Variants in GRID1 observed in about 807,000 individuals in gnomAD.
The protein encoded by GRID1 is glutamate ionotropic receptor delta type subunit 1.
A neutral mutation model predicts 98.0 loss-of-function variants in GRID1; 28 were observed. That is an observed-to-expected ratio of 0.29 (90% CI 0.21 to 0.39). GRID1 has a LOEUF of 0.39. GRID1 is among the 10% of genes least tolerant of loss of function. The pLI, the probability that GRID1 is intolerant of heterozygous loss-of-function variation, is 1.00. For missense variants in GRID1, 1,111 were observed against 1,340.5 expected (o/e 0.83, Z 2.67); for synonymous variants, 553 against 538.5 (o/e 1.03, Z -0.37).
intron 6 of GRID1, among the ~76,000 whole-genome samples, chr10:85,863,721 C>G (rs1204038316): frequency 6.6e-6 from 1 of 152,202 alleles, no homozygotes; most frequent in Non-Finnish European, 1.5e-5. Context: ...GGAGAGGCCC[C>G]TGGAGGACAG....
At chr10:86,228,893 C>T (rs1448943715) in intron 2 of GRID1, among the ~76,000 whole-genome samples, 1 of 152,170 alleles carries the variant, frequency 6.6e-6, no homozygotes, top group African/African-American at 2.4e-5. Context: ...GCATTGGTCT[C>T]TTCAACACCA....
At chr10:85,654,373 G>C (rs1840869764) in intron 12 of GRID1, among the ~76,000 whole-genome samples, 1 of 152,066 alleles carries the variant, frequency 6.6e-6, no homozygotes, top group African/African-American at 2.4e-5. Context: ...AAAGTAAAAG[G>C]GATAAGCAGT....
At chr10:85,628,718 C>A (rs1339161214) in intron 13 of GRID1, among the ~76,000 whole-genome samples, 3 of 152,164 alleles carry the variant, frequency 2.0e-5, no homozygotes, top group Non-Finnish European at 4.4e-5. Flanking sequence ...GGAGGCAAAC[C>A]AGGACAGGCT....
At chr10:85,634,961 C>A (rs1590168584) in intron 13 of GRID1, among the ~76,000 whole-genome samples, 2 of 117,826 alleles carry the variant, frequency 1.7e-5, no homozygotes, top group Non-Finnish European at 3.2e-5. Context: ...GCGTATCAGA[C>A]CTGGGTACAA....
At chr10:85,807,496 A>C (rs1842633637) in intron 8 of GRID1, among the ~76,000 whole-genome samples, 1 of 152,194 alleles carries the variant, frequency 6.6e-6, no homozygotes, top group African/African-American at 2.4e-5. Context: ...AAAAGTTAGA[A>C]GTTTCAGAAA....
At chr10:85,934,955 A>G (rs1007549053) in intron 4 of GRID1, among the ~76,000 whole-genome samples, 1 of 152,254 alleles carries the variant, frequency 6.6e-6, no homozygotes, top group African/African-American at 2.4e-5. Flanking sequence ...TTATTTTCAT[A>G]AAGATAAATT....
At chr10:85,892,373 G>C (rs1040952426) in intron 5 of GRID1, among the ~76,000 whole-genome samples, 3 of 151,772 alleles carry the variant, frequency 2.0e-5, no homozygotes, top group African/African-American at 7.2e-5. Context: ...AAGTTTCCAA[G>C]TTTGATGAAG....
intron 4 of GRID1, among the ~76,000 whole-genome samples, chr10:86,023,853 G>A (rs79499961): frequency 0.021 from 3,218 of 152,024 alleles, 58 homozygotes; most frequent in African/African-American, 0.046. Context: ...TTCCTGTCCC[G>A]GCACTACACA....
intron 12 of GRID1, among the ~76,000 whole-genome samples, chr10:85,688,426 G>A (rs551055454): frequency 6.6e-6 from 1 of 152,280 alleles, no homozygotes; most frequent in East Asian, 1.9e-4. Flanking sequence ...ACAGCTCACT[G>A]CAGCCTTGGA....
intron 5 of GRID1, among the ~76,000 whole-genome samples, chr10:85,889,588 T>C (rs1448891401): frequency 6.6e-6 from 1 of 152,230 alleles, no homozygotes; most frequent in Non-Finnish European, 1.5e-5. Context: ...CATCTGTTGA[T>C]GGACACTTAG....
chr10:86,327,797 G>T (rs1031079880), intron 2 of GRID1, among the ~76,000 whole-genome samples: 1 of 152,162 alleles, frequency 6.6e-6, no homozygotes. Flanking sequence ...GAAAAAGTGG[G>T]TGCTCTTCTT....
At chr10:86,280,331 C>T (rs1233848444) in intron 2 of GRID1, among the ~76,000 whole-genome samples, 1 of 152,074 alleles carries the variant, frequency 6.6e-6, no homozygotes, top group Non-Finnish European at 1.5e-5. Flanking sequence ...AAATTTCCAC[C>T]ATGACAACTT....
chr10:85,647,443 G>A (rs1187210083), intron 12 of GRID1, 46 bp from the exon 13 acceptor site: 2 of 1,443,818 alleles, frequency 1.4e-6, no homozygotes, highest in East Asian at 2.3e-5. Flanking sequence ...GCTGTGCATT[G>A]CACACTGCAA....
chr10:85,860,920 C>T (rs1843158282), intron 6 of GRID1, among the ~76,000 whole-genome samples: 1 of 152,182 alleles, frequency 6.6e-6, no homozygotes, highest in Admixed American at 6.5e-5. Context: ...CCCTGATTTA[C>T]CCACCTGTGG....
intron 3 of GRID1, among the ~76,000 whole-genome samples, chr10:86,153,623 G>A (rs940070781): frequency 6.6e-6 from 1 of 152,182 alleles, no homozygotes; most frequent in Non-Finnish European, 1.5e-5. Context: ...CAGGAGCTCT[G>A]CAAGAACAGC....
intron 12 of GRID1, among the ~76,000 whole-genome samples, chr10:85,667,316 C>CAGAGAG (rs5786718): frequency 5.4e-4 from 81 of 148,904 alleles, no homozygotes; most frequent in East Asian, 2.2e-3. Context: ...CACACACACA[C>CAGAGAG]AGAGAGAGAG....
intron 8 of GRID1, among the ~76,000 whole-genome samples, chr10:85,789,670 A>G (rs1205669732): frequency 6.6e-6 from 1 of 152,164 alleles, no homozygotes; most frequent in Non-Finnish European, 1.5e-5. Flanking sequence ...CAGGTTTCAC[A>G]GCTGAGAGGA....
chr10:85,978,119 A>G (rs1462342162), intron 4 of GRID1, among the ~76,000 whole-genome samples: 2 of 152,212 alleles, frequency 1.3e-5, no homozygotes, highest in African/African-American at 4.8e-5. Context: ...AAAGCCATCA[A>G]CAAGTGGTCC....
intron 15 of GRID1, among the ~76,000 whole-genome samples, chr10:85,612,103 A>G (rs2132512437): frequency 6.6e-6 from 1 of 152,316 alleles, no homozygotes; most frequent in East Asian, 1.9e-4. Flanking sequence ...GAGACAGCAT[A>G]AGGACAGAGA....
Sources: gnomAD v4.1 joint callset for allele counts (sites outside exome capture counted in the v4.1 genomes callset) on GRCh38, gnomAD v4.1.1 for gene constraint, MANE v1.5 for transcripts, NCBI Gene and HGNC (gene_info 2026-07-23, HGNC 2026-07-21) for gene names.